Variants in CAVIN2 observed in about 807,000 individuals in gnomAD.
CAVIN2 encodes caveolae associated protein 2, also known as caveolae-associated protein 2.
CAVIN2 carries 13 observed loss-of-function variants against 11.7 expected under a neutral mutation model. The observed-to-expected ratio is 1.11, with a 90% CI of 0.72 to 1.77. CAVIN2 has a LOEUF of 1.77. CAVIN2 is among the 40% of genes most tolerant of loss of function. The pLI, the probability that CAVIN2 is intolerant of heterozygous loss-of-function variation, is 0.00. For synonymous variants in CAVIN2, 237 were observed against 223.2 expected (o/e 1.06, Z -0.55); for missense variants, 549 against 542.9 (o/e 1.01, Z -0.11).
intron 1 of CAVIN2, among the ~76,000 whole-genome samples, chr2:191,845,125 C>T (rs758853399): frequency 3.3e-5 from 5 of 152,176 alleles, no homozygotes; most frequent in African/African-American, 7.2e-5. Flanking sequence ...TCATCTGGTG[C>T]ATGAAAAGCT....
intron 1 of CAVIN2, among the ~76,000 whole-genome samples, chr2:191,841,955 C>T (rs1194982556): frequency 6.6e-6 from 1 of 152,228 alleles, no homozygotes; most frequent in Non-Finnish European, 1.5e-5. Flanking sequence ...CACATCAAAA[C>T]TAATATCCCA....
rs563544542 is a variant in CAVIN2 at position 191,846,901 on chromosome 2, C to T, written c.25G>A (p.Glu9Lys). 3.6e-5 allele frequency: 58 copies of T among 1,612,378 alleles called. 1 individual carries two copies. The South Asian group carries it at 5.6e-4, about 16-fold the overall frequency. The change falls in exon 1 of 2, where the codon GAA (glutamate) becomes AAA (lysine). Residue 9 changes from glutamate (E) to lysine (K), a missense_variant. By Grantham distance (56) the Glu-to-Lys change is moderately conservative. Transcript: ENST00000304141. ...TCAGACCCAGGGTGCTGGAACTTTTCGGCCTGTGCAGCGTCCTCTCCCATG... is the reference window on the plus strand; with the variant it reads ...TCAGACCCAGGGTGCTGGAACTTTTTGGCCTGTGCAGCGTCCTCTCCCATG... MGEDAAQA[E>K]KFQHPGSDMR...
At position 191,836,433 on chromosome 2, in the gene CAVIN2, G is replaced by T. The variant is rs1343781352; in HGVS notation, c.768C>A (p.Asn256Lys). 7 of 1,613,984 alleles carry T rather than the reference G, an allele frequency of 4.3e-6. No individual in the cohort carries two copies. The East Asian group carries it at 1.6e-4, about 36-fold the overall frequency. Reference sequence around the variant, plus strand: ...CAGATACGATCTTTGTCCCCAGCTTGTTCATCTTTTTCTCGATGTTCTGGC... The same window carrying T: ...CAGATACGATCTTTGTCCCCAGCTTTTTCATCTTTTTCTCGATGTTCTGGC... ...FSRQNIEKKM[N>K]KLGTKIVSVE... The change falls in exon 2 of 2, where the codon AAC (asparagine) becomes AAA (lysine). Residue 256 changes from asparagine (N) to lysine (K), a missense_variant. By Grantham distance (94) the Asn-to-Lys change is moderately conservative. Transcript: ENST00000304141.
chr2:191,837,620 G>C (rs4072961), intron 1 of CAVIN2, among the ~76,000 whole-genome samples: 4,150 of 152,230 alleles, frequency 0.027, 191 homozygotes, highest in African/African-American at 0.094. Context: ...GCTCCTCTTG[G>C]CTCTCAAGGA....
intron 1 of CAVIN2, among the ~76,000 whole-genome samples, chr2:191,846,197 A>T (rs1443549573): frequency 1.3e-5 from 2 of 152,206 alleles, no homozygotes. Context: ...TCCCTGACAA[A>T]TGACCCGGGG....
In CAVIN2 at chr2:191,846,485, G is replaced by A. The variant is rs1690167934; in HGVS notation, c.441C>T (p.Ala147=). ...AQVKRLENNH[A]QLLRRNHFKV... ...TGAAATGGTTGCGTCGGAGGAGCTG[G>A]GCGTGGTTGTTCTCCAGCCGCTTCA... Residue 147 remains alanine (A), a synonymous_variant, in exon 1 of 2, where the codon GCC becomes GCT. Transcript: ENST00000304141. 6.2e-7 allele frequency: 1 copy of A among 1,614,018 alleles called. No individual in the cohort carries two copies. The highest frequency in any genetic ancestry group is 1.3e-5 in the African/African-American group (1 of 74,942).
In CAVIN2 at chr2:191,836,481, A is replaced by G. The variant is rs774505923; in HGVS notation, c.720T>C (p.Asp240=). ...KIKRSSLKKV[D]SLKKAFSRQN... ...GGCGAGAAAATGCTTTCTTGAGGCT[A>G]TCCACTTTCTTCAGGCTGGATCTTT... Residue 240 remains aspartate (D), a synonymous_variant, in exon 2 of 2, where the codon GAT becomes GAC. Transcript: ENST00000304141. 27 of 1,613,912 alleles carry G rather than the reference A, an allele frequency of 1.7e-5. No homozygotes were observed. The highest frequency in any genetic ancestry group is 4.5e-5 in the East Asian group (2 of 44,876).
rs1469596157 is a variant in CAVIN2 at position 191,846,537 on chromosome 2, T to C, written c.389A>G (p.Glu130Gly). 3 of 1,614,260 alleles carry C rather than the reference T, an allele frequency of 1.9e-6. No homozygotes were observed. The highest frequency in any genetic ancestry group is 1.7e-6 in the Non-Finnish European group (2 of 1,180,058). The change falls in exon 1 of 2, where the codon GAG becomes GGG. Residue 130 changes from glutamate (E) to glycine (G), a missense_variant. Transcript: ENST00000304141. ...KVSAHTRAVK[E>G]RMDRQCAQVK... ...CTGTGCGCACTGCCTATCCATGCGCTCTTTGACCGCGCGCGTGTGGGCGCT... is the reference window on the plus strand; with the variant it reads ...CTGTGCGCACTGCCTATCCATGCGCCCTTTGACCGCGCGCGTGTGGGCGCT...
intron 1 of CAVIN2, 60 bp downstream of exon 1, chr2:191,846,383 C>T (rs757416408): frequency 2.0e-6 from 3 of 1,512,970 alleles, no homozygotes; most frequent in South Asian, 1.3e-5. Context: ...CCAGGATGAG[C>T]GAGATCAAGA....
Position 191,836,425 on chromosome 2 carries a change from C to T in CAVIN2, c.776G>A (p.Gly259Glu), listed in dbSNP as rs762788120. 1.9e-6 allele frequency: 3 copies of T among 1,614,100 alleles called. No homozygotes were observed. The highest frequency in any genetic ancestry group is 4.5e-5 in the East Asian group (2 of 44,884). ...CCTCTCTACAGATACGATCTTTGTC[C>T]CCAGCTTGTTCATCTTTTTCTCGAT... is the stretch of plus-strand genomic sequence containing the variant. ...QNIEKKMNKL[G>E]TKIVSVERRE... is the part of the protein sequence containing the mutation. Residue 259 changes from glycine (G) to glutamate (E), a missense_variant, in exon 2 of 2, where the codon GGG becomes GAG. Transcript: ENST00000304141.
intron 1 of CAVIN2, among the ~76,000 whole-genome samples, chr2:191,844,467 C>T (rs1690137442): frequency 6.6e-6 from 1 of 152,128 alleles, no homozygotes; most frequent in Non-Finnish European, 1.5e-5. Context: ...CCTCTAGTTT[C>T]CTGCCTCCTA....
chr2:191,843,034 A>G (rs1690115244), intron 1 of CAVIN2, among the ~76,000 whole-genome samples: 1 of 152,178 alleles, frequency 6.6e-6, no homozygotes, highest in Non-Finnish European at 1.5e-5. Context: ...AAATACAAAA[A>G]TGAGCTGGGC....
In CAVIN2 at chr2:191,836,615, T is replaced by C. The variant is rs144175890; in HGVS notation, c.586A>G (p.Thr196Ala). The C allele has an allele frequency of 5.9e-5, 95 of 1,613,980 alleles. No individual in the cohort carries two copies. The highest frequency in any genetic ancestry group is 7.6e-5 in the Non-Finnish European group (90 of 1,180,034). Reference sequence around the variant, plus strand: ...GAGGAGAGGTCCACGGTGTGCAGGGTTTCCTCCAGGGATTTGTTTTCATCC... The same window carrying C: ...GAGGAGAGGTCCACGGTGTGCAGGGCTTCCTCCAGGGATTTGTTTTCATCC... ...LPDENKSLEE[T>A]LHTVDLSSDD... Residue 196 changes from threonine (T) to alanine (A), a missense_variant, in exon 2 of 2, where the codon ACC (threonine) becomes GCC (alanine). Physicochemically the swap from Thr to Ala is moderately conservative, Grantham distance 58. Transcript: ENST00000304141.
Position 191,835,818 on chromosome 2 carries a change from AG to A in CAVIN2, c.*104del. ...TATGGTCAATGATTACTGCCTGGAC[AG>A]GAACGCAGGAGTGGGTGAGTCGTGC... On this transcript the variant is annotated 3_prime_UTR_variant, in exon 2 of 2. Transcript: ENST00000304141. 3.6e-6 allele frequency: 4 copies of A among 1,104,366 alleles called. No individual in the cohort carries two copies. Among genetic ancestry groups the A allele is most frequent in the Non-Finnish European group, 3.8e-6 (3 of 782,340 alleles). 68.4% of individuals were successfully genotyped at this position (1,104,366 alleles called of 1,614,324 possible). A position where few individuals can be genotyped will look rare whatever the true frequency, so the allele number is the denominator to read the frequency against.
chr2:191,836,664 G>A lies in CAVIN2; in HGVS notation c.537C>T (p.Ala179=), dbSNP rs753061930. 12 of 1,613,826 alleles carry A rather than the reference G, an allele frequency of 7.4e-6. No homozygotes were observed. The African/African-American group carries it at 8.0e-5, about 11-fold the overall frequency. The change falls in exon 2 of 2, where the codon GCC becomes GCT. Residue 179 remains alanine (A), a synonymous_variant. Coordinates refer to ENST00000304141, the MANE Select transcript of CAVIN2 (RefSeq NM_004657.6). ...CCGGAAGCTCCTCCTTCCCTTCCAC[G>A]GCACCGGAAACGGGCTGTTTCACAA... ...SVFVKQPVSG[A]VEGKEELPDE...
chr2:191,836,007 G>T lies in CAVIN2; in HGVS notation c.1194C>A (p.Ser398Arg). Residue 398 changes from serine to arginine, a missense_variant, in exon 2 of 2, where the codon AGC (serine) becomes AGA (arginine). Physicochemically the swap from Ser to Arg is moderately radical, Grantham distance 110 (BLOSUM62 -1). Coordinates refer to ENST00000304141, the MANE Select transcript of CAVIN2 (RefSeq NM_004657.6). ...EQAQKVRYEG[S>R]YALTSEEAER... ...CCGCCTCCTCGGATGTTAGCGCGTA[G>T]CTACCCTCATAGCGTACCTTCTGTG... 2 of 1,614,204 alleles carry T rather than the reference G, an allele frequency of 1.2e-6. No individual in the cohort carries two copies. Among genetic ancestry groups the T allele is most frequent in the African/African-American group, 1.3e-5 (1 of 75,052 alleles).
rs1436312122 is a variant in CAVIN2 at position 191,837,570 on chromosome 2, C to T, written c.484-853G>A. ...AGAAAGCTGCCCCCTTCACCGTTGC[C>T]AGCACTCTCCTCCAGCTGCCGGGCA... On this transcript the variant is annotated intron_variant, in intron 1 of 1. Coordinates refer to ENST00000304141, the MANE Select transcript of CAVIN2 (RefSeq NM_004657.6). Among the ~76,000 whole-genome samples the T allele has an allele frequency of 2.6e-5, 4 of 152,088 alleles. No individual in the cohort carries two copies. The East Asian group carries it at 7.7e-4, about 29-fold the overall frequency.
At chr2:191,842,668 G>A (rs1276271227) in intron 1 of CAVIN2, among the ~76,000 whole-genome samples, 1 of 152,178 alleles carries the variant, frequency 6.6e-6, no homozygotes, top group Non-Finnish European at 1.5e-5. Context: ...AAGTTTAAAA[G>A]AGAAAACTGC....
At position 191,846,931 on chromosome 2, in the gene CAVIN2, G is replaced by C; in HGVS notation, c.-6C>G. On this transcript the variant is annotated 5_prime_UTR_variant, in exon 1 of 2. Coordinates refer to ENST00000304141, the MANE Select transcript of CAVIN2 (RefSeq NM_004657.6). ...TGTGCAGCGTCCTCTCCCATGGCTAGGCAGGTGGGAACGTTCTTTCTCTCT... is the reference window on the plus strand; with the variant it reads ...TGTGCAGCGTCCTCTCCCATGGCTACGCAGGTGGGAACGTTCTTTCTCTCT... The C allele has an allele frequency of 6.3e-7, 1 of 1,594,814 alleles. No homozygotes were observed. The highest frequency in any genetic ancestry group is 8.5e-7 in the Non-Finnish European group (1 of 1,172,142).
Sources: allele counts gnomAD v4.1 joint callset (sites outside exome capture counted in the v4.1 genomes callset), GRCh38; gene constraint gnomAD v4.1.1; transcripts MANE v1.5; gene names NCBI Gene and HGNC (gene_info 2026-07-23, HGNC 2026-07-21).